The following GNB4 variants were observed in gnomAD, a reference collection of about 807,000 sequenced individuals.
GNB4 encodes G protein subunit beta 4.
GNB4 carries 28 observed loss-of-function variants against 45.2 expected under a neutral mutation model. That is an observed-to-expected ratio of 0.62 (90% CI 0.46 to 0.85). GNB4 has a LOEUF of 0.85. Ranked by LOEUF, GNB4 falls within the 40% of genes least tolerant of loss-of-function variation. The pLI is 0.00. For synonymous variants in GNB4, 132 were observed against 143.7 expected (o/e 0.92, Z 0.58); for missense variants, 321 against 425.4 (o/e 0.75, Z 2.16).
chr3:179,406,655 C>G (rs2108581481), intron 8 of GNB4, among the ~76,000 whole-genome samples: 1 of 152,238 alleles, frequency 6.6e-6, no homozygotes, highest in Middle Eastern at 3.4e-3. Context: ...CTCTGTCACC[C>G]AGGCTGGAGT....
intron 1 of GNB4, among the ~76,000 whole-genome samples, chr3:179,450,506 C>T (rs1167669709): frequency 6.6e-6 from 1 of 152,144 alleles, no homozygotes. Context: ...CTAAGCCACA[C>T]GCCAAGCTAC....
rs114114266 is a variant in GNB4 at position 179,444,429 on chromosome 3, T to G, written c.-43+6917A>C. On this transcript the variant is annotated intron_variant, in intron 1 of 9. Transcript: ENST00000232564. ...AGATCACATTTTTCAGGGTGTTTTTTTTTTTTTTTTAACCTCTCAACCGCT... is the reference window on the plus strand; with the variant it reads ...AGATCACATTTTTCAGGGTGTTTTTGTTTTTTTTTTAACCTCTCAACCGCT... Among the ~76,000 whole-genome samples, 1,181 of 151,352 alleles carry G rather than the reference T, an allele frequency of 7.8e-3. 18 individuals carry two copies. Among genetic ancestry groups the G allele is most frequent in the African/African-American group, 0.027 (1,119 of 41,464 alleles).
the GNB4 span, chr3:179,464,749 T>C: frequency 8.4e-7 from 1 of 1,193,076 alleles, no homozygotes; most frequent in Admixed American, 1.7e-5. Context: ...CAGCTGCCTC[T>C]TCCAGACATA....
the GNB4 span, among the ~76,000 whole-genome samples, chr3:179,477,010 G>A: frequency 6.6e-6 from 1 of 152,170 alleles, no homozygotes; most frequent in South Asian, 2.1e-4. Context: ...CCAATAGAAG[G>A]TGCTCTGAAA....
chr3:179,445,572 C>T (rs1185154588), intron 1 of GNB4, among the ~76,000 whole-genome samples: 2 of 152,134 alleles, frequency 1.3e-5, no homozygotes, highest in African/African-American at 4.8e-5. Flanking sequence ...AGGCATGAGC[C>T]ACTGCAACTG....
chr3:179,470,515 A>G, the GNB4 span, among the ~76,000 whole-genome samples: 1 of 150,422 alleles, frequency 6.6e-6, no homozygotes, highest in African/African-American at 2.4e-5. Context: ...ATAGAGAAAG[A>G]AAAAAATATA....
At chr3:179,401,627 T>G (rs1220401541) in intron 9 of GNB4, among the ~76,000 whole-genome samples, 1 of 152,194 alleles carries the variant, frequency 6.6e-6, no homozygotes, top group African/African-American at 2.4e-5. Flanking sequence ...TGCAGACAAT[T>G]ATTCCACATC....
At chr3:179,408,619 C>T (rs1338064150) in intron 8 of GNB4, among the ~76,000 whole-genome samples, 7 of 151,502 alleles carry the variant, frequency 4.6e-5, no homozygotes, top group Non-Finnish European at 7.4e-5. Flanking sequence ...AATAAAACCC[C>T]GCCTCTACTA....
intron 9 of GNB4, among the ~76,000 whole-genome samples, chr3:179,401,994 CAA>C (rs10556239): frequency 0.069 from 10,527 of 152,128 alleles, 1,177 homozygotes; most frequent in African/African-American, 0.23. Context: ...ATCAAATGCT[CAA>C]AATTTTTAAA....
At chr3:179,509,845 C>T in the GNB4 span, among the ~76,000 whole-genome samples, 18 of 152,162 alleles carry the variant, frequency 1.2e-4, no homozygotes, top group African/African-American at 3.9e-4. Context: ...AGAGACAGGG[C>T]CTCGCTCTGT....
At chr3:179,515,420 G>C in the GNB4 span, among the ~76,000 whole-genome samples, 1 of 152,204 alleles carries the variant, frequency 6.6e-6, no homozygotes, top group Admixed American at 6.5e-5. Context: ...AAGGGAGATA[G>C]GGGTGGGGCT....
rs996212596 is a variant in GNB4 at position 179,415,688 on chromosome 3, C to T, written c.268-641G>A. ...CTAAACAGTCCATACAGGGAATCAA[C>T]ACGTGGCAGGATTACTACTATGCTC... On this transcript the variant is annotated intron_variant, in intron 5 of 9. Coordinates refer to ENST00000232564, the MANE Select transcript of GNB4 (RefSeq NM_021629.4). 2.6e-5 allele frequency among the ~76,000 whole-genome samples: 4 copies of T among 152,294 alleles called. No homozygotes were observed. In the East Asian group the frequency reaches 5.8e-4, roughly 22 times the overall value.
At chr3:179,419,943 G>C (rs1025672371) in intron 3 of GNB4, among the ~76,000 whole-genome samples, 1 of 151,606 alleles carries the variant, frequency 6.6e-6, no homozygotes, top group African/African-American at 2.4e-5. Context: ...TAAACATGAA[G>C]CCTTCCCAAG....
intron 1 of GNB4, among the ~76,000 whole-genome samples, chr3:179,439,204 C>T (rs1265734900): frequency 3.3e-5 from 5 of 152,204 alleles, no homozygotes. Flanking sequence ...CTCTTATTTA[C>T]ACAAGCAGTT....
At chr3:179,515,252 A>C in the GNB4 span, among the ~76,000 whole-genome samples, 3 of 152,338 alleles carry the variant, frequency 2.0e-5, no homozygotes, top group East Asian at 3.9e-4. Flanking sequence ...TAATCCTCAC[A>C]ACAAGCCTGT....
the GNB4 span, among the ~76,000 whole-genome samples, chr3:179,495,086 A>C: frequency 2.0e-5 from 3 of 152,024 alleles, no homozygotes; most frequent in Non-Finnish European, 2.9e-5. Flanking sequence ...AGCTGAAGGG[A>C]AACAAAAGAA....
chr3:179,430,060 T>TGA (rs1002388117), intron 1 of GNB4, among the ~76,000 whole-genome samples: 6 of 113,736 alleles, frequency 5.3e-5, no homozygotes, highest in African/African-American at 9.4e-5. Context: ...TGTGTGTGTG[T>TGA]GACTGAGAGA....
intron 8 of GNB4, 185 bp from the exon 9 acceptor site, chr3:179,405,591 G>A: frequency 1.8e-6 from 1 of 556,262 alleles, no homozygotes; most frequent in Non-Finnish European, 3.2e-6. Flanking sequence ...GATTAAGACT[G>A]AATTAAATAA....
intron 9 of GNB4, among the ~76,000 whole-genome samples, chr3:179,404,323 C>A (rs965060285): frequency 5.3e-5 from 8 of 152,048 alleles, no homozygotes; most frequent in African/African-American, 1.9e-4. Context: ...AAAACCCAAC[C>A]CTTCTCATCC....
Sources: allele counts gnomAD v4.1 joint callset (sites outside exome capture counted in the v4.1 genomes callset), GRCh38; gene constraint gnomAD v4.1.1; transcripts MANE v1.5; gene names NCBI Gene and HGNC (gene_info 2026-07-23, HGNC 2026-07-21).